BRAP: variants seen among roughly 807,000 people sequenced by gnomAD.
The protein encoded by BRAP is BRCA1 associated protein.
BRAP carries 42 observed loss-of-function variants against 73.4 expected under a neutral mutation model. That is an observed-to-expected ratio of 0.57 (90% CI 0.45 to 0.74). BRAP has a LOEUF of 0.74. BRAP is among the 30% of genes least tolerant of loss of function. BRAP has a pLI of 0.00. For synonymous variants in BRAP, 255 were observed against 267.4 expected (o/e 0.95, Z 0.45); for missense variants, 593 against 751.4 (o/e 0.79, Z 2.46).
chr12:111,646,434 G>T (rs942144390), intron 11 of BRAP, among the ~76,000 whole-genome samples: 12 of 152,302 alleles, frequency 7.9e-5, no homozygotes, highest in African/African-American at 2.9e-4. Context: ...ACTGGAGCAT[G>T]AACTGGTATA....
At chr12:111,679,578 A>T (rs1427841644) in intron 3 of BRAP, among the ~76,000 whole-genome samples, 2 of 152,132 alleles carry the variant, frequency 1.3e-5, no homozygotes, top group African/African-American at 4.8e-5. Flanking sequence ...TGTTTGAATA[A>T]TAATCTGTCA....
chr12:111,681,726 C>G lies in BRAP; in HGVS notation c.354G>C (p.Pro118=), dbSNP rs375357747. The change falls in exon 3 of 12, where the codon CCG becomes CCC. Residue 118 remains proline, a synonymous_variant. Coordinates refer to ENST00000419234, the MANE Select transcript of BRAP (RefSeq NM_006768.5). ...AAATCTGGTCTGGAAGCTGTTTGGACGGAGAATCTGGGGCAGCGTTTATGC... is the reference window on the plus strand; with the variant it reads ...AAATCTGGTCTGGAAGCTGTTTGGAGGGAGAATCTGGGGCAGCGTTTATGC... The part of the protein sequence containing the change: ...KECINAAPDS[P]SKQLPDQISF... 2.0e-5 allele frequency: 32 copies of G among 1,613,882 alleles called. No homozygotes were observed. Among genetic ancestry groups the G allele is most frequent in the Non-Finnish European group, 2.6e-5 (31 of 1,179,990 alleles).
chr12:111,670,771 T>C (rs1887137997), intron 5 of BRAP, among the ~76,000 whole-genome samples: 1 of 151,354 alleles, frequency 6.6e-6, no homozygotes, highest in Non-Finnish European at 1.5e-5. Context: ...ATTACAAGCA[T>C]GAGACATCGC....
intron 5 of BRAP, among the ~76,000 whole-genome samples, chr12:111,671,909 T>C (rs73418389): frequency 3.6e-4 from 55 of 152,052 alleles, no homozygotes; most frequent in African/African-American, 1.3e-3. Context: ...TGGTCTCGAA[T>C]TCCTACACTC....
At position 111,683,184 on chromosome 12, in the gene BRAP, A is replaced by T; in HGVS notation, c.206T>A (p.Met69Lys). The T allele has an allele frequency of 2.5e-6, 4 of 1,614,112 alleles. No individual in the cohort carries two copies. Among genetic ancestry groups the T allele is most frequent in the Non-Finnish European group, 3.4e-6 (4 of 1,180,002 alleles). ...IIHQHLGRRE[M>K]TDVIIETMKS... ...CATGGTCTCAATGATCACATCTGTCATTTCTCGACGGCCGAGATGCTGATG... is the reference window on the plus strand; with the variant it reads ...CATGGTCTCAATGATCACATCTGTCTTTTCTCGACGGCCGAGATGCTGATG... The change falls in exon 2 of 12, where the codon ATG becomes AAG. Residue 69 changes from methionine (M) to lysine (K), a missense_variant. Coordinates refer to ENST00000419234, the MANE Select transcript of BRAP (RefSeq NM_006768.5).
intron 5 of BRAP, among the ~76,000 whole-genome samples, chr12:111,672,013 G>A (rs1359539255): frequency 3.3e-5 from 5 of 151,894 alleles, no homozygotes; most frequent in Non-Finnish European, 5.9e-5. Context: ...ATGAACCACC[G>A]CGCCCAGCCA....
chr12:111,664,382 T>G (rs1886860771), intron 6 of BRAP, among the ~76,000 whole-genome samples: 1 of 152,066 alleles, frequency 6.6e-6, no homozygotes, highest in Non-Finnish European at 1.5e-5. Context: ...GCCTAGAACT[T>G]AACTGGTATA....
Position 111,675,552 on chromosome 12 carries a change from G to T in BRAP, c.634-2778C>A, listed in dbSNP as rs1421243468. 3.4e-5 allele frequency among the ~76,000 whole-genome samples: 5 copies of T among 149,146 alleles called. No homozygotes were observed. The Admixed American group carries it at 3.4e-4, about 10-fold the overall frequency. ...GAGAGTAGGGAACAAACTACACATG[G>T]TTCCTACTTCAACTCACCATCTAAA... On this transcript the variant is annotated intron_variant, in intron 4 of 11. Coordinates refer to ENST00000419234, the MANE Select transcript of BRAP (RefSeq NM_006768.5).
chr12:111,646,800 TTGCA>T (rs1431154980), intron 11 of BRAP, among the ~76,000 whole-genome samples: 1 of 151,952 alleles, frequency 6.6e-6, no homozygotes, highest in Non-Finnish European at 1.5e-5. Context: ...AACAAAAAAT[TTGCA>T]TGCCCTTTGA....
intron 11 of BRAP, among the ~76,000 whole-genome samples, chr12:111,645,556 A>T (rs765568878): frequency 3.3e-5 from 5 of 151,988 alleles, no homozygotes; most frequent in Non-Finnish European, 4.4e-5. Flanking sequence ...AGAGTCAAGT[A>T]CTCTGACTTC....
chr12:111,658,952 A>G, intron 8 of BRAP, 107 bp from the exon 9 acceptor site: 1 of 896,062 alleles, frequency 1.1e-6, no homozygotes, highest in Non-Finnish European at 1.7e-6. Context: ...AATGCCTTAC[A>G]ATATTTCTTT....
intron 11 of BRAP, among the ~76,000 whole-genome samples, chr12:111,647,713 T>G (rs1461150123): frequency 6.6e-6 from 1 of 151,920 alleles, no homozygotes; most frequent in East Asian, 1.9e-4. Context: ...CTGACCAACA[T>G]GGAGAAACCC....
chr12:111,666,302 C>A (rs1015791273), intron 5 of BRAP, among the ~76,000 whole-genome samples: 6 of 152,196 alleles, frequency 3.9e-5, no homozygotes, highest in Non-Finnish European at 8.8e-5. Context: ...CTAGCTCAAG[C>A]TCTAAGTGTC....
chr12:111,684,220 C>T (rs999536153), intron 1 of BRAP, among the ~76,000 whole-genome samples: 3 of 152,128 alleles, frequency 2.0e-5, no homozygotes, highest in African/African-American at 7.2e-5. Context: ...ACCACAGTGC[C>T]GAGCACACAG....
In BRAP at chr12:111,673,733, G is replaced by T. The variant is rs1349278172; in HGVS notation, c.634-959C>A. On this transcript the variant is annotated intron_variant, in intron 4 of 11. Coordinates refer to ENST00000419234, the MANE Select transcript of BRAP (RefSeq NM_006768.5). ...AAGCAAAGCTCTTGGTCAAGGTCAAGGGGCCCAAGATGAACCAGCCTTTAA... is the reference window on the plus strand; with the variant it reads ...AAGCAAAGCTCTTGGTCAAGGTCAATGGGCCCAAGATGAACCAGCCTTTAA... Among the ~76,000 whole-genome samples, 5 of 152,120 alleles carry T rather than the reference G, an allele frequency of 3.3e-5. No homozygotes were observed. The East Asian group carries it at 7.7e-4, about 23-fold the overall frequency.
chr12:111,646,239 T>C (rs1220118951), intron 11 of BRAP, among the ~76,000 whole-genome samples: 1 of 151,948 alleles, frequency 6.6e-6, no homozygotes, highest in Non-Finnish European at 1.5e-5. Flanking sequence ...TGGGCTGTGA[T>C]TGCATCACTG....
Position 111,685,558 on chromosome 12 carries a change from G to A in BRAP, c.82+153C>T, listed in dbSNP as rs368325439. ...TAACAAACGGGAAGGCCTCTCAAAG[G>A]CGGATGGGAAAGAGAGGGATCCCGA... On this transcript the variant is annotated intron_variant, in intron 1 of 11. Transcript: ENST00000419234. 1.3e-5 allele frequency: 18 copies of A among 1,355,090 alleles called. No individual in the cohort carries two copies. The East Asian group carries it at 3.5e-4, about 26-fold the overall frequency. The allele number at this position is 1,355,090 out of a possible 1,614,324, so 83.9% of individuals were successfully genotyped here. A position where few individuals can be genotyped will look rare whatever the true frequency, so the allele number is the denominator to read the frequency against.
chr12:111,657,961 C>G (rs1886596713), intron 9 of BRAP, among the ~76,000 whole-genome samples: 1 of 148,284 alleles, frequency 6.7e-6, no homozygotes. Flanking sequence ...TTTTTTGAGA[C>G]AGGGTCTTGC....
In BRAP at chr12:111,642,531, A is replaced by G. The variant is rs1399501511; in HGVS notation, c.*1668T>C. On this transcript the variant is annotated 3_prime_UTR_variant, in exon 12 of 12. Transcript: ENST00000419234. ...TGAGCGAGCTTTGTAAACTACTTCT[A>G]ATTCTCTTCATTAGTATGCTATGAT... 6.6e-6 allele frequency: 1 copy of G among 152,172 alleles called. No individual in the cohort carries two copies. Among genetic ancestry groups the G allele is most frequent in the East Asian group, 1.9e-4 (1 of 5,204 alleles). The allele number at this position is 152,172 out of a possible 1,614,324, so 9.4% of individuals were successfully genotyped here.
Sources: gnomAD v4.1 joint callset for allele counts (sites outside exome capture counted in the v4.1 genomes callset) on GRCh38, gnomAD v4.1.1 for gene constraint, MANE v1.5 for transcripts, NCBI Gene and HGNC (gene_info 2026-07-23, HGNC 2026-07-21) for gene names.